Variants in PAPOLA observed in about 807,000 individuals in gnomAD.
PAPOLA encodes poly(A) polymerase alpha.
A neutral mutation model predicts 100.6 loss-of-function variants in PAPOLA; 15 were observed. That is an observed-to-expected ratio of 0.15 (90% CI 0.10 to 0.23). PAPOLA has a LOEUF of 0.23. Among genes scored for constraint, PAPOLA ranks in the 10% least tolerant of loss-of-function variants. PAPOLA has a pLI of 1.00. For missense variants in PAPOLA, 533 were observed against 884.2 expected (o/e 0.60, Z 5.04); for synonymous variants, 293 against 300.0 (o/e 0.98, Z 0.24).
At chr14:96,534,631 A>G (rs774776956) in intron 10 of PAPOLA, 68 bp downstream of exon 10, 19 of 1,610,578 alleles carry the variant, frequency 1.2e-5, no homozygotes, top group Non-Finnish European at 1.4e-5. Flanking sequence ...ATCTGCATAA[A>G]CTCCAGGGAG....
chr14:96,518,099 G>A (rs1897619137), intron 1 of PAPOLA, among the ~76,000 whole-genome samples: 1 of 152,150 alleles, frequency 6.6e-6, no homozygotes, highest in African/African-American at 2.4e-5. Flanking sequence ...ACGATCTAAT[G>A]TGAATTAATT....
At position 96,502,509 on chromosome 14, in the gene PAPOLA, T is replaced by A; in HGVS notation, c.-84T>A. The A allele has an allele frequency of 5.5e-6, 6 of 1,095,010 alleles. No individual in the cohort carries two copies. Among genetic ancestry groups the A allele is most frequent in the Non-Finnish European group, 8.0e-6 (6 of 753,416 alleles). The allele number at this position is 1,095,010 out of a possible 1,614,324, so 67.8% of individuals were successfully genotyped here. ...GGGCTGAGGCAGGCCCCCCCCTCCC[T>A]CCCGCCTCAGTGGATCATGCCCAGG... is the stretch of plus-strand genomic sequence containing the variant. On this transcript the variant is annotated 5_prime_UTR_variant, in exon 1 of 22. Coordinates refer to ENST00000216277, the MANE Select transcript of PAPOLA (RefSeq NM_032632.5).
chr14:96,556,978 G>A (rs1390070425), intron 19 of PAPOLA, among the ~76,000 whole-genome samples: 5 of 152,098 alleles, frequency 3.3e-5, no homozygotes, highest in Non-Finnish European at 7.4e-5. Context: ...TTAACTCCTG[G>A]GCACAGGCGA....
intron 16 of PAPOLA, among the ~76,000 whole-genome samples, chr14:96,552,226 G>A (rs747302461): frequency 1.3e-5 from 2 of 152,118 alleles, no homozygotes; most frequent in Non-Finnish European, 2.9e-5. Flanking sequence ...CAGTCAGTAT[G>A]TACATTTAAT....
intron 1 of PAPOLA, among the ~76,000 whole-genome samples, chr14:96,510,909 T>C (rs1897071532): frequency 6.6e-6 from 1 of 152,246 alleles, no homozygotes; most frequent in Non-Finnish European, 1.5e-5. Context: ...TTATTTTGGC[T>C]AATAATTAAT....
At chr14:96,550,439 T>C (rs1900755237) in intron 16 of PAPOLA, among the ~76,000 whole-genome samples, 1 of 152,196 alleles carries the variant, frequency 6.6e-6, no homozygotes, top group South Asian at 2.1e-4. Context: ...TCTTTAAATA[T>C]AGTCATCTAG....
intron 15 of PAPOLA, 161 bp from the exon 16 acceptor site, chr14:96,547,636 A>T: frequency 2.0e-6 from 1 of 504,442 alleles, no homozygotes; most frequent in Non-Finnish European, 3.5e-6. Flanking sequence ...GAGTTTGCTC[A>T]GGCAATGAAT....
intron 7 of PAPOLA, chr14:96,531,924 C>T: frequency 1.5e-6 from 2 of 1,313,348 alleles, no homozygotes; most frequent in Non-Finnish European, 1.9e-6. Flanking sequence ...TTCAGCATTG[C>T]TGAGATCAGA....
At chr14:96,537,795 G>A (rs1899662085) in intron 12 of PAPOLA, 1 of 151,520 alleles carries the variant, frequency 6.6e-6, no homozygotes, top group Non-Finnish European at 1.5e-5. Context: ...TTTTTTTAAT[G>A]CTTGAAGCTT....
chr14:96,530,276 T>C (rs939439413), intron 6 of PAPOLA, among the ~76,000 whole-genome samples: 1 of 152,208 alleles, frequency 6.6e-6, no homozygotes, highest in Non-Finnish European at 1.5e-5. Context: ...ATCCAGTAGA[T>C]GCATTTAACA....
Position 96,560,875 on chromosome 14 carries a change from A to T in PAPOLA, c.2067+164A>T, listed in dbSNP as rs563260517. On this transcript the variant is annotated intron_variant, in intron 20 of 21. Coordinates refer to ENST00000216277, the MANE Select transcript of PAPOLA (RefSeq NM_032632.5). ...GCTGAACACTGAAGGGAATATTGTG[A>T]TGAGTGAAACACATTCTGTGCCTTT... 2.3e-4 allele frequency among the ~76,000 whole-genome samples: 35 copies of T among 152,290 alleles called. No individual in the cohort carries two copies. The South Asian group carries it at 7.0e-3, about 31-fold the overall frequency.
chr14:96,534,379 C>G lies in PAPOLA; in HGVS notation c.837-112C>G, dbSNP rs1002909011. 3.9e-6 allele frequency: 6 copies of G among 1,519,432 alleles called. No homozygotes were observed. The African/African-American group carries it at 8.3e-5, about 21-fold the overall frequency. The allele number at this position is 1,519,432 out of a possible 1,614,324, so 94.1% of individuals were successfully genotyped here. A position where few individuals can be genotyped will look rare whatever the true frequency, so the allele number is the denominator to read the frequency against. On this transcript the variant is annotated intron_variant, in intron 9 of 21. Coordinates refer to ENST00000216277, the MANE Select transcript of PAPOLA (RefSeq NM_032632.5). The stretch of plus-strand genomic sequence containing the variant: ...GAAAGGATTAAAACGTTGTATGTAC[C>G]AAGAAGGCAGAATGAAGAAGGATCA...
intron 6 of PAPOLA, among the ~76,000 whole-genome samples, chr14:96,528,551 T>G (rs1276265530): frequency 6.6e-6 from 1 of 152,194 alleles, no homozygotes; most frequent in Admixed American, 6.5e-5. Flanking sequence ...AGAATGGTAC[T>G]GGAAAGTCAC....
Position 96,556,250 on chromosome 14 carries a change from G to C in PAPOLA, c.1841G>C (p.Arg614Thr). Residue 614 changes from arginine to threonine, a missense_variant, in exon 19 of 22, where the codon AGA (arginine) becomes ACA (threonine). Arg to Thr is a moderately conservative substitution (Grantham distance 71). Around this residue, in one of 9 missense-constraint regions of PAPOLA, gnomAD observed 242 missense variants for 281.0 expected, o/e 0.86. Coordinates refer to ENST00000216277, the MANE Select transcript of PAPOLA (RefSeq NM_032632.5). ...CCACCACCAAAGCCTACGGTCTCCA[G>C]AGTTGTTTCTTCAACACGTCTGGTA... ...ISPPPKPTVS[R>T]VVSSTRLVNP... is the part of the protein sequence containing the mutation. 6.2e-7 allele frequency: 1 copy of C among 1,614,016 alleles called. No homozygotes were observed. Among genetic ancestry groups the C allele is most frequent in the African/African-American group, 1.3e-5 (1 of 74,988 alleles).
chr14:96,554,294 GGTT>G (rs1209468960), intron 17 of PAPOLA, among the ~76,000 whole-genome samples: 1 of 152,194 alleles, frequency 6.6e-6, no homozygotes, highest in Non-Finnish European at 1.5e-5. Context: ...CAGCATCTGT[GGTT>G]GTTCTCTGGC....
At chr14:96,522,112 C>CTTTTTTTTTTTTTTTTTTTTTT (rs1350167869) in intron 3 of PAPOLA, among the ~76,000 whole-genome samples, 3 of 98,712 alleles carry the variant, frequency 3.0e-5, no homozygotes, top group African/African-American at 5.1e-5. Flanking sequence ...CTCTTTCTTT[C>CTTTTTTTTTTTTTTTTTTTTTT]TTTCTTTTTT....
chr14:96,545,405 T>C (rs1900314190), intron 15 of PAPOLA, among the ~76,000 whole-genome samples: 1 of 152,022 alleles, frequency 6.6e-6, no homozygotes, highest in Admixed American at 6.5e-5. Context: ...GATACAAGTG[T>C]TGTCTGTAGG....
intron 14 of PAPOLA, among the ~76,000 whole-genome samples, chr14:96,543,330 G>A (rs1368347089): frequency 6.6e-6 from 1 of 152,054 alleles, no homozygotes; most frequent in Non-Finnish European, 1.5e-5. Flanking sequence ...CTGTTGAGAA[G>A]ATAACATAAG....
chr14:96,535,748 T>A, intron 10 of PAPOLA, 131 bp from the exon 11 acceptor site: 1 of 912,588 alleles, frequency 1.1e-6, no homozygotes, highest in East Asian at 3.0e-5. Context: ...TCTACATGGT[T>A]TTTCTTTCTC....
Sources: gnomAD v4.1 joint callset for allele counts (sites outside exome capture counted in the v4.1 genomes callset) on GRCh38, gnomAD v4.1.1 for gene constraint, gnomAD v4.1.1 regional missense constraint, MANE v1.5 for transcripts, NCBI Gene and HGNC (gene_info 2026-07-23, HGNC 2026-07-21) for gene names.